Variants in TRABD observed in about 807,000 individuals in gnomAD.
The protein encoded by TRABD is traB domain-containing protein.
In TRABD, 23 loss-of-function variants were observed where a neutral mutation model predicts 39.6. The observed-to-expected ratio is 0.58, with a 90% CI of 0.42 to 0.82. The LOEUF (loss-of-function observed/expected upper bound fraction) is 0.82, where lower values mean the gene tolerates loss of function less well. Ranked by LOEUF, TRABD falls within the 40% of genes least tolerant of loss-of-function variation. The pLI is 0.00. For missense variants in TRABD, 487 were observed against 544.9 expected (o/e 0.89, Z 1.06); for synonymous variants, 243 against 232.1 (o/e 1.05, Z -0.43).
rs374717024 is a variant in TRABD at position 50,194,874 on chromosome 22, C to T, written c.280-26C>T. The T allele has an allele frequency of 8.1e-6, 13 of 1,607,166 alleles. No individual in the cohort carries two copies. The African/African-American group carries it at 9.4e-5, about 12-fold the overall frequency. On this transcript the variant is annotated intron_variant, in intron 4 of 9. Transcript: ENST00000380909. ...GAGGGGCAGGGAGCGGCTGTGTTCT[C>T]GAGGTGTGACCTGTGGCTGTTGCAG...
Position 50,199,155 on chromosome 22 carries a change from A to G in TRABD, c.*636A>G, listed in dbSNP as rs2064237042. The G allele has an allele frequency of 1.4e-6, 1 of 719,756 alleles. No homozygotes were observed. The highest frequency in any genetic ancestry group is 2.3e-4 in the Middle Eastern group (1 of 4,366). 44.6% of individuals were successfully genotyped at this position (719,756 alleles called of 1,614,324 possible). A position where few individuals can be genotyped will look rare whatever the true frequency, so the allele number is the denominator to read the frequency against. ...GTAAATGTCAAAAAACACCAGCCTTAAATCCAAAGGGAGAGAATTCGTGTT... is the reference window on the plus strand; with the variant it reads ...GTAAATGTCAAAAAACACCAGCCTTGAATCCAAAGGGAGAGAATTCGTGTT... On this transcript the variant is annotated 3_prime_UTR_variant, in exon 10 of 10. Transcript: ENST00000380909.
rs771972852 is a variant in TRABD, at chr22:50,193,066, C to T, written c.6C>T (p.Asp2=). The change falls in exon 2 of 10, where the codon GAC becomes GAT. Residue 2 remains aspartate (D), a synonymous_variant. Coordinates refer to ENST00000380909, the MANE Select transcript of TRABD (RefSeq NM_001320485.2). ...CAGGAAGCCGCCGCCCAGCCATGGA[C>T]GGGGAGGAGCAGCAGCCACCGCACG... M[D]GEEQQPPHEA... is the part of the protein sequence containing the mutation. 1.1e-5 allele frequency: 17 copies of T among 1,545,630 alleles called. No homozygotes were observed. The highest frequency in any genetic ancestry group is 5.5e-5 in the African/African-American group (4 of 73,108).
intron 5 of TRABD, among the ~76,000 whole-genome samples, chr22:50,196,483 G>A (rs1016086765): frequency 2.6e-5 from 4 of 152,212 alleles, no homozygotes; most frequent in East Asian, 1.9e-4. Context: ...GGACACCCCC[G>A]TGGTGCCAGC....
In TRABD at chr22:50,194,393, C is replaced by G. The variant is rs763789961; in HGVS notation, c.166C>G (p.Gln56Glu). The G allele has an allele frequency of 4.3e-6, 7 of 1,612,842 alleles. No homozygotes were observed. The highest frequency in any genetic ancestry group is 1.3e-5 in the African/African-American group (1 of 75,060). Residue 56 changes from glutamine (Q) to glutamate (E), a missense_variant, in exon 4 of 10, where the codon CAG (glutamine) becomes GAG (glutamate). This residue lies in a region of TRABD where 358 missense variants were observed against 414.7 expected (regional missense o/e 0.86). Transcript: ENST00000380909. ...LLEMKLKRRR[Q>E]RPNLPRTVTQ... ...GGAGATGAAGCTGAAGCGGCGGCGTCAGCGGCCCAACCTGCCGCGCACTGT... is the reference window on the plus strand; with the variant it reads ...GGAGATGAAGCTGAAGCGGCGGCGTGAGCGGCCCAACCTGCCGCGCACTGT...
chr22:50,193,124 G>T, intron 2 of TRABD, 31 bp downstream of exon 2: 1 of 1,532,208 alleles, frequency 6.5e-7, no homozygotes, highest in Non-Finnish European at 8.8e-7. Flanking sequence ...GCTGCACAGA[G>T]ACAGGGGCGG....
chr22:50,190,256 G>A (rs1245404147), intron 1 of TRABD, among the ~76,000 whole-genome samples: 1 of 152,234 alleles, frequency 6.6e-6, no homozygotes, highest in Non-Finnish European at 1.5e-5. Context: ...CACTGCCTCT[G>A]GTGGCGCTGA....
Position 50,198,858 on chromosome 22 carries a change from G to T in TRABD, c.*339G>T. 1 of 545,808 alleles carries T rather than the reference G, an allele frequency of 1.8e-6. No individual in the cohort carries two copies. The highest frequency in any genetic ancestry group is 3.3e-6 in the Non-Finnish European group (1 of 305,746). The allele number at this position is 545,808 out of a possible 1,614,324, so 33.8% of individuals were successfully genotyped here. A position where few individuals can be genotyped will look rare whatever the true frequency, so the allele number is the denominator to read the frequency against. ...CTCTCAGCCCTGGTGGCAGGCGGGG[G>T]ACAATGGCCACTGTCCCTACCTCAC... On this transcript the variant is annotated 3_prime_UTR_variant, in exon 10 of 10. Coordinates refer to ENST00000380909, the MANE Select transcript of TRABD (RefSeq NM_001320485.2). The surrounding 1 kb of genome is among the most constrained non-coding windows in gnomAD (Gnocchi z 7.9).
intron 7 of TRABD, 58 bp from the exon 8 acceptor site, chr22:50,197,765 C>CCCCCCCCCCCCCCCCCCCATG: frequency 2.7e-6 from 2 of 754,054 alleles, no homozygotes; most frequent in Non-Finnish European, 4.4e-6. Flanking sequence ...ACAGTGCCAG[C>CCCCCCCCCCCCCCCCCCCATG]CCCACCCCCC....
At chr22:50,188,225 T>A (rs2063807720) in intron 1 of TRABD, among the ~76,000 whole-genome samples, 1 of 151,974 alleles carries the variant, frequency 6.6e-6, no homozygotes. Flanking sequence ...GAGGTTGCAG[T>A]GAGCCAAGAT....
intron 4 of TRABD, 146 bp downstream of exon 4, chr22:50,194,652 A>AGGAAGCCCACCTTGCCACTCCC: frequency 7.3e-7 from 1 of 1,367,926 alleles, no homozygotes; most frequent in Non-Finnish European, 9.9e-7. Flanking sequence ...TGGGAGTGGC[A>AGGAAGCCCACCTTGCCACTCCC]AGGTGGGCTT....
intron 1 of TRABD, among the ~76,000 whole-genome samples, chr22:50,187,555 C>A (rs1020565193): frequency 9.2e-5 from 14 of 152,180 alleles, no homozygotes; most frequent in Non-Finnish European, 1.5e-4. Flanking sequence ...TTGGTGCTAG[C>A]CAGTTTTTGG....
At chr22:50,197,763 A>AGGCCCCCCCCCCCCCCCCCCCTG in intron 7 of TRABD, 60 bp from the exon 8 acceptor site, 2 of 1,439,784 alleles carry the variant, frequency 1.4e-6, no homozygotes, top group Non-Finnish European at 9.7e-7. Context: ...CCACAGTGCC[A>AGGCCCCCCCCCCCCCCCCCCCTG]GCCCCACCCC....
chr22:50,197,298 A>G lies in TRABD; in HGVS notation c.478A>G (p.Thr160Ala), dbSNP rs973087428. Residue 160 changes from threonine (T) to alanine (A), a missense_variant, in exon 6 of 10, where the codon ACC (threonine) becomes GCC (alanine). By Grantham distance (58) the Thr-to-Ala change is moderately conservative (BLOSUM62 0). Transcript: ENST00000380909. The part of the protein sequence containing the change: ...MLLLKVSAHI[T>A]EQLGMAPGGE... ...GCTGCTGAAGGTGTCTGCACACATC[A>G]CCGAGCAGCTGGGCATGGCCCCAGG... The G allele has an allele frequency of 6.2e-7, 1 of 1,613,762 alleles. No individual in the cohort carries two copies. The highest frequency in any genetic ancestry group is 8.5e-7 in the Non-Finnish European group (1 of 1,180,014).
Position 50,198,106 on chromosome 22 carries a change from C to T in TRABD, c.876C>T (p.Val292=), listed in dbSNP as rs368439097. 4.5e-5 allele frequency: 72 copies of T among 1,612,598 alleles called. No individual in the cohort carries two copies. The highest frequency in any genetic ancestry group is 2.5e-4 in the African/African-American group (19 of 74,886). Residue 292 remains valine, a synonymous_variant, in exon 9 of 10, where the codon GTC becomes GTT. Transcript: ENST00000380909. The surrounding 1 kb of genome is among the most constrained non-coding windows in gnomAD (Gnocchi z 7.9). ...AEPRKCVPSV[V]VGVVGMGHVP... The stretch of plus-strand genomic sequence containing the variant: ...CCAGGAAGTGCGTCCCCTCCGTGGT[C>T]GTGGGCGTCGTGGGCATGGGCCACG...
At chr22:50,197,786 C>T (rs747291903) in intron 7 of TRABD, 37 bp from the exon 8 acceptor site, 1 of 567,142 alleles carries the variant, frequency 1.8e-6, no homozygotes, top group South Asian at 1.4e-5. Flanking sequence ...CAGCCCGTTG[C>T]CCATCCCTGC....
chr22:50,192,456 G>C (rs1399893925), intron 1 of TRABD: 5 of 152,480 alleles, frequency 3.3e-5, no homozygotes, highest in African/African-American at 4.8e-5. Flanking sequence ...TTCTACCGTG[G>C]TTCCTTCCAC....
chr22:50,198,434 T>C lies in TRABD; in HGVS notation c.1046T>C (p.Met349Thr). ...CTGCTGGGCTACAGCCTGTACTGGA[T>C]GGGCCGCCGCACCGCGAGCCTGGTC... ...FGLLGYSLYW[M>T]GRRTASLVLS... The change falls in exon 10 of 10, where the codon ATG (methionine) becomes ACG (threonine). Residue 349 changes from methionine (M) to threonine (T), a missense_variant. Physicochemically the swap from Met to Thr is moderately conservative, Grantham distance 81. Coordinates refer to ENST00000380909, the MANE Select transcript of TRABD (RefSeq NM_001320485.2). This position sits in a 1 kb window ranked among gnomAD's most constrained non-coding sequence, Gnocchi z 7.9. 1 of 1,595,118 alleles carries C rather than the reference T, an allele frequency of 6.3e-7. No homozygotes were observed. Among genetic ancestry groups the C allele is most frequent in the Non-Finnish European group, 8.5e-7 (1 of 1,176,574 alleles).
intron 5 of TRABD, 45 bp from the exon 6 acceptor site, chr22:50,197,196 C>G (rs894557463): frequency 6.3e-7 from 1 of 1,578,434 alleles, no homozygotes; most frequent in Non-Finnish European, 8.6e-7. Context: ...CCAGCGCACC[C>G]CCGCACCCGC....
rs1048239562 is a variant in TRABD, at chr22:50,198,639, G to C, written c.*120G>C. On this transcript the variant is annotated 3_prime_UTR_variant, in exon 10 of 10. Transcript: ENST00000380909. The surrounding 1 kb of genome is among the most constrained non-coding windows in gnomAD (Gnocchi z 7.9). ...CCACCCCCCATGGGGGTCTGGGCCC[G>C]GCCTCGCCTGCCCTCCTGGGCCAGT... 4 of 1,045,742 alleles carry C rather than the reference G, an allele frequency of 3.8e-6. No homozygotes were observed. The highest frequency in any genetic ancestry group is 5.3e-6 in the Non-Finnish European group (4 of 758,860). 64.8% of individuals were successfully genotyped at this position (1,045,742 alleles called of 1,614,324 possible). A position where few individuals can be genotyped will look rare whatever the true frequency, so the allele number is the denominator to read the frequency against.
Sources: gnomAD v4.1 joint callset for allele counts (sites outside exome capture counted in the v4.1 genomes callset) on GRCh38, gnomAD v4.1.1 for gene constraint, gnomAD v4.1.1 regional missense constraint, Gnocchi (gnomAD v3.1) non-coding constraint, MANE v1.5 for transcripts, NCBI Gene and HGNC (gene_info 2026-07-23, HGNC 2026-07-21) for gene names.